Variants in GLIS3 observed in about 807,000 individuals in gnomAD.
The protein encoded by GLIS3 is GLIS family zinc finger 3.
GLIS3 carries 53 observed loss-of-function variants against 78.6 expected under a neutral mutation model. The ratio of observed to expected loss-of-function variants is 0.67; its 90% CI spans 0.54 to 0.85. GLIS3 has a LOEUF of 0.85. Ranked by LOEUF, GLIS3 falls within the 40% of genes least tolerant of loss-of-function variation. The pLI, the probability that GLIS3 is intolerant of heterozygous loss-of-function variation, is 0.00. For missense variants in GLIS3, 1,703 were observed against 1,231.1 expected (o/e 1.38, Z -5.74); for synonymous variants, 684 against 509.9 (o/e 1.34, Z -4.60).
intron 9 of GLIS3, among the ~76,000 whole-genome samples, chr9:3,834,727 T>G (rs1231356414): frequency 6.6e-6 from 1 of 152,212 alleles, no homozygotes; most frequent in African/African-American, 2.4e-5. Flanking sequence ...CTTGCAAATT[T>G]GCCACTTCAA....
intron 2 of GLIS3, among the ~76,000 whole-genome samples, chr9:4,338,058 G>GTA (rs979510597): frequency 7.4e-6 from 1 of 135,244 alleles, no homozygotes; most frequent in Non-Finnish European, 1.7e-5. Context: ...GTGTGTGTGT[G>GTA]TGTGTTTAGT....
At chr9:4,329,929 G>T (rs1368616520) in intron 2 of GLIS3, among the ~76,000 whole-genome samples, 1 of 152,118 alleles carries the variant, frequency 6.6e-6, no homozygotes, top group Non-Finnish European at 1.5e-5. Flanking sequence ...AATGCAGCAT[G>T]ATATTATATT....
intron 6 of GLIS3, among the ~76,000 whole-genome samples, chr9:3,901,787 A>G (rs1315926042): frequency 1.3e-5 from 2 of 152,176 alleles, no homozygotes; most frequent in Non-Finnish European, 2.9e-5. Context: ...TCTCTGTATT[A>G]GTGCCTAACT....
the GLIS3 span, among the ~76,000 whole-genome samples, chr9:4,362,711 G>C: frequency 6.6e-6 from 1 of 152,160 alleles, no homozygotes; most frequent in Admixed American, 6.5e-5. Flanking sequence ...TCAAAGAGGA[G>C]GATGCATGGA....
chr9:3,874,770 T>C (rs1324518191), intron 8 of GLIS3, among the ~76,000 whole-genome samples: 1 of 152,194 alleles, frequency 6.6e-6, no homozygotes, highest in Non-Finnish European at 1.5e-5. Flanking sequence ...TTTGTGTTGA[T>C]TATTGTTGAG....
chr9:4,221,642 G>T (rs2131333191), intron 2 of GLIS3, among the ~76,000 whole-genome samples: 1 of 152,208 alleles, frequency 6.6e-6, no homozygotes, highest in East Asian at 1.9e-4. Context: ...ACCAGTGTAT[G>T]GAATGGAAAA....
intron 8 of GLIS3, among the ~76,000 whole-genome samples, chr9:3,867,310 A>T (rs181901989): frequency 8.5e-5 from 13 of 152,342 alleles, no homozygotes; most frequent in African/African-American, 3.1e-4. Flanking sequence ...GGTAAAAAGA[A>T]AGCAACCAAT....
chr9:4,061,394 C>T (rs1564000234), intron 4 of GLIS3, among the ~76,000 whole-genome samples: 1 of 152,100 alleles, frequency 6.6e-6, no homozygotes, highest in Non-Finnish European at 1.5e-5. Context: ...AACATGAACT[C>T]ATCCTTTTTT....
chr9:4,031,434 G>A (rs1248759644), intron 4 of GLIS3, among the ~76,000 whole-genome samples: 1 of 152,182 alleles, frequency 6.6e-6, no homozygotes, highest in Non-Finnish European at 1.5e-5. Context: ...CCCAGATTAT[G>A]CAAGTACATA....
intron 4 of GLIS3, among the ~76,000 whole-genome samples, chr9:4,045,798 A>G (rs962543641): frequency 1.3e-5 from 2 of 152,174 alleles, no homozygotes; most frequent in South Asian, 4.1e-4. Context: ...AACAGAGATC[A>G]CTAATGTTCC....
At chr9:4,364,602 A>G in the GLIS3 span, among the ~76,000 whole-genome samples, 2 of 151,932 alleles carry the variant, frequency 1.3e-5, no homozygotes, top group African/African-American at 4.8e-5. Context: ...GCATAGAAAA[A>G]TATCTCAAAC....
intron 2 of GLIS3, among the ~76,000 whole-genome samples, chr9:4,233,348 T>C (rs562620959): frequency 2.0e-5 from 3 of 152,226 alleles, no homozygotes; most frequent in South Asian, 2.1e-4. Flanking sequence ...AAACTGAAAG[T>C]TGAAATTACT....
At chr9:3,921,615 A>G (rs1268407035) in intron 6 of GLIS3, among the ~76,000 whole-genome samples, 2 of 152,208 alleles carry the variant, frequency 1.3e-5, no homozygotes, top group Non-Finnish European at 2.9e-5. Flanking sequence ...ATGGGGGAGA[A>G]AAATCTAAAA....
At chr9:4,238,780 G>C (rs1020092771) in intron 2 of GLIS3, among the ~76,000 whole-genome samples, 2 of 152,070 alleles carry the variant, frequency 1.3e-5, no homozygotes, top group African/African-American at 4.8e-5. Flanking sequence ...AAATCCTTCA[G>C]CACTAATGTC....
intron 2 of GLIS3, among the ~76,000 whole-genome samples, chr9:4,208,994 C>G (rs1419522794): frequency 6.6e-6 from 1 of 152,202 alleles, no homozygotes; most frequent in African/African-American, 2.4e-5. Context: ...GAACACTTCC[C>G]ATAAATGTAC....
chr9:4,033,309 G>A (rs1284869084), intron 4 of GLIS3, among the ~76,000 whole-genome samples: 1 of 152,054 alleles, frequency 6.6e-6, no homozygotes, highest in African/African-American at 2.4e-5. Flanking sequence ...GCTGTCCCTT[G>A]GTCACCCCTT....
At chr9:3,990,951 T>G (rs1820185083) in intron 4 of GLIS3, among the ~76,000 whole-genome samples, 1 of 152,158 alleles carries the variant, frequency 6.6e-6, no homozygotes, top group African/African-American at 2.4e-5. Flanking sequence ...AAATACGGAA[T>G]GTCTAAGTGA....
intron 2 of GLIS3, among the ~76,000 whole-genome samples, chr9:4,231,563 A>G (rs1401959833): frequency 2.0e-5 from 3 of 152,230 alleles, no homozygotes; most frequent in Non-Finnish European, 4.4e-5. Flanking sequence ...ATCTAGATAC[A>G]TTATGATGGA....
intron 5 of GLIS3, among the ~76,000 whole-genome samples, chr9:3,934,573 C>G (rs1825791605): frequency 6.6e-6 from 1 of 152,112 alleles, no homozygotes; most frequent in South Asian, 2.1e-4. Flanking sequence ...CCACACCCAG[C>G]TGATTTTGTA....
Sources: gnomAD v4.1 joint callset for allele counts (sites outside exome capture counted in the v4.1 genomes callset) on GRCh38, gnomAD v4.1.1 for gene constraint, MANE v1.5 for transcripts, NCBI Gene and HGNC (gene_info 2026-07-23, HGNC 2026-07-21) for gene names.